FOCAD: variants seen among roughly 807,000 people sequenced by gnomAD.
FOCAD encodes KIAA1797.
FOCAD carries 198 observed loss-of-function variants against 225.6 expected under a neutral mutation model. That is an observed-to-expected ratio of 0.88 (90% confidence interval 0.78 to 0.99). The LOEUF (loss-of-function observed/expected upper bound fraction) is 0.99, where lower values mean the gene tolerates loss of function less well. Ranked by LOEUF, FOCAD falls within the 50% of genes least tolerant of loss-of-function variation. FOCAD has a pLI of 0.00. For synonymous variants in FOCAD, 897 were observed against 755.0 expected (o/e 1.19, Z -3.08); for missense variants, 2,713 against 2,123.6 (o/e 1.28, Z -5.46).
intron 1 of FOCAD, among the ~76,000 whole-genome samples, chr9:20,702,522 T>C (rs1213135483): frequency 6.6e-6 from 1 of 152,236 alleles, no homozygotes; most frequent in Non-Finnish European, 1.5e-5. Flanking sequence ...CTTACATAAT[T>C]AGGCAATTAA....
intron 24 of FOCAD, among the ~76,000 whole-genome samples, chr9:20,918,495 G>A (rs941386522): frequency 2.0e-5 from 3 of 152,052 alleles, no homozygotes; most frequent in African/African-American, 4.8e-5. Context: ...AGGCTGAGGC[G>A]GGCGGATCAC....
chr9:20,957,473 C>CTTTTCTT (rs1687497953), intron 35 of FOCAD: 1 of 49,472 alleles, frequency 2.0e-5, no homozygotes, highest in East Asian at 1.1e-3. Context: ...AACATCTTTT[C>CTTTTCTT]TTTTCTTTTT....
chr9:20,952,753 T>A (rs1365940039), intron 34 of FOCAD, among the ~76,000 whole-genome samples: 2 of 152,166 alleles, frequency 1.3e-5, no homozygotes, highest in Non-Finnish European at 2.9e-5. Context: ...TTTTCCAGAC[T>A]TTTCTAACTT....
intron 8 of FOCAD, among the ~76,000 whole-genome samples, chr9:20,777,232 T>C (rs904875380): frequency 3.3e-5 from 5 of 151,990 alleles, no homozygotes; most frequent in East Asian, 1.9e-4. Context: ...TGTCAAATTA[T>C]ATTGTTTTCA....
chr9:20,776,915 T>C (rs1474188736), intron 8 of FOCAD, among the ~76,000 whole-genome samples: 1 of 152,206 alleles, frequency 6.6e-6, no homozygotes, highest in African/African-American at 2.4e-5. Flanking sequence ...AATGGTATGA[T>C]AGTATATACT....
chr9:20,986,063 C>T (rs1487582403), intron 39 of FOCAD, among the ~76,000 whole-genome samples: 7 of 151,882 alleles, frequency 4.6e-5, no homozygotes, highest in Admixed American at 2.6e-4. Flanking sequence ...TGACTAACTC[C>T]TGAACAAATT....
At chr9:20,822,109 T>A (rs777347482) in intron 14 of FOCAD, among the ~76,000 whole-genome samples, 1 of 151,856 alleles carries the variant, frequency 6.6e-6, no homozygotes, top group Non-Finnish European at 1.5e-5. Context: ...ATAAAAGTTA[T>A]TGGCTGACAT....
chr9:20,903,386 T>C (rs1832707548), intron 21 of FOCAD, among the ~76,000 whole-genome samples: 1 of 152,014 alleles, frequency 6.6e-6, no homozygotes. Flanking sequence ...CTTTCCTGGA[T>C]TGTTGACGTC....
intron 2 of FOCAD, among the ~76,000 whole-genome samples, chr9:20,676,334 G>A (rs548748965): frequency 1.4e-4 from 22 of 152,208 alleles, no homozygotes; most frequent in African/African-American, 4.3e-4. Flanking sequence ...GCTTAGCAGC[G>A]GTAAAGTTTT....
intron 15 of FOCAD, among the ~76,000 whole-genome samples, chr9:20,857,782 TG>T (rs1828341080): frequency 1.4e-5 from 1 of 70,658 alleles, no homozygotes; most frequent in African/African-American, 4.2e-5. Flanking sequence ...TTTTTTTTTT[TG>T]AGTTTTTTTT....
intron 12 of FOCAD, 38 bp downstream of exon 12, chr9:20,819,938 A>G: frequency 8.2e-7 from 1 of 1,216,986 alleles, no homozygotes; most frequent in Non-Finnish European, 1.2e-6. Context: ...GAAAAAAGTG[A>G]GTCATGAATA....
At chr9:20,674,801 A>G (rs1232458057) in intron 2 of FOCAD, among the ~76,000 whole-genome samples, 1 of 152,240 alleles carries the variant, frequency 6.6e-6, no homozygotes, top group East Asian at 1.9e-4. Flanking sequence ...AATAAATGAT[A>G]GCTGTGCTTT....
At position 20,765,022 on chromosome 9, in the gene FOCAD, A is replaced by G. The variant is rs2130952675; in HGVS notation, c.648A>G (p.Ile216Met). Residue 216 changes from isoleucine (I) to methionine (M), a missense_variant, in exon 7 of 44, where the codon ATA (isoleucine) becomes ATG (methionine). Transcript: ENST00000338382. ...QVLCDKDQPS[I>M]LEQQILQLCC... ...TTTGTGACAAAGATCAACCATCAAT[A>G]CTGGAACAGCAGATACTTCAACTGT... is the stretch of plus-strand genomic sequence containing the variant. 6.2e-7 allele frequency: 1 copy of G among 1,614,116 alleles called. No homozygotes were observed. The highest frequency in any genetic ancestry group is 8.5e-7 in the Non-Finnish European group (1 of 1,180,006).
At chr9:20,673,851 C>T (rs886843013) in intron 2 of FOCAD, among the ~76,000 whole-genome samples, 3 of 152,198 alleles carry the variant, frequency 2.0e-5, no homozygotes, top group Non-Finnish European at 2.9e-5. Flanking sequence ...GGATTACAGG[C>T]GTGAGCCACC....
intron 11 of FOCAD, among the ~76,000 whole-genome samples, chr9:20,796,371 C>G (rs201868392): frequency 1.3e-5 from 2 of 152,116 alleles, no homozygotes; most frequent in African/African-American, 2.4e-5. Flanking sequence ...CTAGTTCTAG[C>G]TCCCTGAGGA....
intron 11 of FOCAD, among the ~76,000 whole-genome samples, chr9:20,798,747 T>A (rs1202743121): frequency 1.3e-5 from 2 of 152,188 alleles, no homozygotes; most frequent in East Asian, 3.8e-4. Context: ...TTTTCTTCTT[T>A]ATTAATCTTG....
rs1838712391 is a variant in FOCAD at position 20,961,371 on chromosome 9, A to T, written c.4132+8306A>T. Among the ~76,000 whole-genome samples the T allele has an allele frequency of 3.9e-5, 6 of 152,046 alleles. No homozygotes were observed. In the South Asian group the frequency reaches 1.3e-3, roughly 32 times the overall value. On this transcript the variant is annotated intron_variant, in intron 35 of 43. Transcript: ENST00000338382. ...TTGGCTCTTGTGTCCTTTTGACATG[A>T]CCCCCTCATTCTTTGACTGCTTCCT...
Position 20,850,170 on chromosome 9 carries a change from AGTT to A in FOCAD, c.1921-12407_1921-12405del, listed in dbSNP as rs572530542. 2.6e-5 allele frequency among the ~76,000 whole-genome samples: 4 copies of A among 151,914 alleles called. No homozygotes were observed. The East Asian group carries it at 7.7e-4, about 29-fold the overall frequency. On this transcript the variant is annotated intron_variant, in intron 15 of 43. Coordinates refer to ENST00000338382, the MANE Select transcript of FOCAD (RefSeq NM_001375567.1). ...AAATAAAAATAATTTTAATTTATAA[AGTT>A]ATTTTTGTTATAGAGGCATATGAGA...
chr9:20,838,785 T>C (rs1826234474), intron 15 of FOCAD, among the ~76,000 whole-genome samples: 1 of 152,126 alleles, frequency 6.6e-6, no homozygotes. Flanking sequence ...CTTTGATGTT[T>C]AGTGAAGTTT....
Sources: allele counts gnomAD v4.1 joint callset (sites outside exome capture counted in the v4.1 genomes callset), GRCh38; gene constraint gnomAD v4.1.1; transcripts MANE v1.5; gene names NCBI Gene and HGNC (gene_info 2026-07-23, HGNC 2026-07-21).